SNAP91: variants seen among roughly 807,000 people sequenced by gnomAD.
SNAP91 encodes clathrin coat assembly protein AP180.
In SNAP91, 27 loss-of-function variants were observed where a neutral mutation model predicts 100.3. The ratio of observed to expected loss-of-function variants is 0.27; its 90% CI spans 0.20 to 0.37. The LOEUF is 0.37. Among genes scored for constraint, SNAP91 ranks in the 10% least tolerant of loss-of-function variants. The probability of loss-of-function intolerance (pLI) is 1.00; values close to 1 mark genes in which losing one functional copy is unlikely to be tolerated. For synonymous variants in SNAP91, 404 were observed against 398.6 expected, an observed-to-expected ratio of 1.01 and a Z score of -0.16; for missense variants, 986 against 1,123.7, an observed-to-expected ratio of 0.88 and a Z score of 1.75.
chr6:83,642,282 T>A (rs2097740992), intron 7 of SNAP91, among the ~76,000 whole-genome samples: 1 of 152,200 alleles, frequency 6.6e-6, no homozygotes, highest in Non-Finnish European at 1.5e-5. Flanking sequence ...GTTGGTGTGC[T>A]GCACCCATTA....
chr6:83,582,087 T>A (rs1447485900), intron 23 of SNAP91, 135 bp downstream of exon 23: 7 of 908,666 alleles, frequency 7.7e-6, no homozygotes, highest in Non-Finnish European at 9.6e-6. Context: ...ATGAGAGATT[T>A]ATTAACGTTT....
At chr6:83,699,097 T>G (rs932473527) in intron 2 of SNAP91, among the ~76,000 whole-genome samples, 4 of 152,156 alleles carry the variant, frequency 2.6e-5, no homozygotes, top group Non-Finnish European at 5.9e-5. Context: ...GGAACCTCTC[T>G]GAAGCAAAAT....
At chr6:83,572,940 C>T (rs1299150677) in intron 26 of SNAP91, among the ~76,000 whole-genome samples, 2 of 152,196 alleles carry the variant, frequency 1.3e-5, no homozygotes, top group Non-Finnish European at 2.9e-5. Flanking sequence ...TCTCTCTCCT[C>T]CTTCCCACAG....
chr6:83,627,532 T>C (rs1357325839), intron 8 of SNAP91, among the ~76,000 whole-genome samples: 4 of 152,074 alleles, frequency 2.6e-5, no homozygotes, highest in Non-Finnish European at 5.9e-5. Flanking sequence ...GTTGCAGAAC[T>C]TGAAAGACCA....
chr6:83,631,305 T>G (rs189007388), intron 8 of SNAP91, among the ~76,000 whole-genome samples: 8 of 152,292 alleles, frequency 5.3e-5, no homozygotes, highest in Admixed American at 3.9e-4. Flanking sequence ...TTGAAAAGAA[T>G]GTATATTCTG....
At chr6:83,652,964 T>C (rs1032691352) in intron 7 of SNAP91, among the ~76,000 whole-genome samples, 9 of 152,298 alleles carry the variant, frequency 5.9e-5, no homozygotes, top group Admixed American at 3.9e-4. Flanking sequence ...AAAATTCTTA[T>C]TTTTGCTCCT....
intron 2 of SNAP91, among the ~76,000 whole-genome samples, chr6:83,693,356 T>G (rs2099156100): frequency 6.6e-6 from 1 of 152,158 alleles, no homozygotes; most frequent in African/African-American, 2.4e-5. Flanking sequence ...CACATCGGCC[T>G]CTCCTTCACT....
intron 16 of SNAP91, among the ~76,000 whole-genome samples, chr6:83,595,995 A>G (rs1284135620): frequency 6.6e-6 from 1 of 152,220 alleles, no homozygotes; most frequent in East Asian, 1.9e-4. Context: ...TCAGTTATTC[A>G]TATCTTATGG....
At chr6:83,567,433 A>G (rs1798318245) in intron 26 of SNAP91, among the ~76,000 whole-genome samples, 1 of 152,202 alleles carries the variant, frequency 6.6e-6, no homozygotes, top group Admixed American at 6.5e-5. Context: ...TTCAGGACAT[A>G]GGCATGGGCA....
intron 26 of SNAP91, among the ~76,000 whole-genome samples, chr6:83,566,798 T>C (rs1209066392): frequency 6.6e-6 from 1 of 152,162 alleles, no homozygotes; most frequent in Non-Finnish European, 1.5e-5. Context: ...CTGGAGACTT[T>C]ATCAAGCAGA....
chr6:83,642,165 T>A (rs1480358785), intron 7 of SNAP91, among the ~76,000 whole-genome samples: 2 of 22,062 alleles, frequency 9.1e-5, no homozygotes, highest in Non-Finnish European at 7.8e-5. Flanking sequence ...AAATATGCTA[T>A]TTTTTCAGTA....
chr6:83,650,685 T>C (rs994421133), intron 7 of SNAP91, among the ~76,000 whole-genome samples: 1 of 152,256 alleles, frequency 6.6e-6, no homozygotes, highest in Admixed American at 6.5e-5. Flanking sequence ...CCCAAAGTGC[T>C]GGGATTACAG....
chr6:83,635,238 G>A (rs62419577), intron 8 of SNAP91, among the ~76,000 whole-genome samples: 2 of 152,128 alleles, frequency 1.3e-5, no homozygotes, highest in Admixed American at 6.5e-5. Context: ...TCAGTGGGGT[G>A]ATGAACTCCC....
At chr6:83,579,049 C>T (rs556879266) in intron 24 of SNAP91, among the ~76,000 whole-genome samples, 69 of 152,204 alleles carry the variant, frequency 4.5e-4, no homozygotes, top group Admixed American at 3.1e-3. Flanking sequence ...TGACTATATA[C>T]GTGGGTTTAT....
chr6:83,649,614 C>A (rs2098111197), intron 7 of SNAP91, among the ~76,000 whole-genome samples: 1 of 152,050 alleles, frequency 6.6e-6, no homozygotes, highest in African/African-American at 2.4e-5. Context: ...TGAAATCTCC[C>A]TTTGTTGCCC....
intron 2 of SNAP91, among the ~76,000 whole-genome samples, chr6:83,681,865 G>A (rs542902128): frequency 5.3e-5 from 8 of 152,264 alleles, no homozygotes; most frequent in Non-Finnish European, 1.0e-4. Context: ...CTGAAAAACA[G>A]TTTAAACTCC....
intron 8 of SNAP91, among the ~76,000 whole-genome samples, chr6:83,634,121 A>C (rs752505065): frequency 3.7e-4 from 57 of 152,118 alleles, no homozygotes; most frequent in Non-Finnish European, 6.5e-4. Flanking sequence ...ATTAAAAAAA[A>C]ATTGTTACAA....
rs770091414 is a variant in SNAP91 at position 83,560,107 on chromosome 6, C to T, written c.2628G>A (p.Thr876=). The T allele has an allele frequency of 4.2e-5, 67 of 1,612,246 alleles. No individual in the cohort carries two copies. Among genetic ancestry groups the T allele is most frequent in the South Asian group, 1.4e-4 (13 of 91,050 alleles). The part of the protein sequence containing the change: ...PPFGAAAVPG[T]QLSPSPTPAS... ...TGTGGACATTGAAGAAACTGACCTGCGTGCCAGGTACAGCGGCAGCTCCAA... is the reference window on the plus strand; with the variant it reads ...TGTGGACATTGAAGAAACTGACCTGTGTGCCAGGTACAGCGGCAGCTCCAA... Residue 876 remains threonine (T), a synonymous_variant, in exon 28 of 30, where the codon ACG becomes ACA. Coordinates refer to ENST00000369694, the MANE Select transcript of SNAP91 (RefSeq NM_001242792.2).
intron 2 of SNAP91, among the ~76,000 whole-genome samples, chr6:83,671,270 G>A (rs2098781547): frequency 6.6e-6 from 1 of 151,842 alleles, no homozygotes; most frequent in Non-Finnish European, 1.5e-5. Flanking sequence ...CAAGATATGG[G>A]GATATTTATT....
Sources: gnomAD v4.1 joint callset for allele counts (sites outside exome capture counted in the v4.1 genomes callset) on GRCh38, gnomAD v4.1.1 for gene constraint, MANE v1.5 for transcripts, NCBI Gene and HGNC (gene_info 2026-07-23, HGNC 2026-07-21) for gene names.